Variants in FBXL17 observed in about 807,000 individuals in gnomAD.
FBXL17 encodes the protein F-box/LRR-repeat protein 17.
Under a neutral mutation model 66.2 loss-of-function variants are expected in FBXL17, and 22 were observed. That is an observed-to-expected ratio of 0.33 (90% CI 0.24 to 0.47). The LOEUF is 0.47. FBXL17 is among the 20% of genes least tolerant of loss of function. The probability of loss-of-function intolerance (pLI) is 1.00; values close to 1 mark genes in which losing one functional copy is unlikely to be tolerated. For synonymous variants in FBXL17, 474 were observed against 400.5 expected (o/e 1.18, Z -2.19); for missense variants, 878 against 948.2 (o/e 0.93, Z 0.97).
At chr5:108,179,088 C>T (rs1473644753) in intron 6 of FBXL17, among the ~76,000 whole-genome samples, 1 of 152,112 alleles carries the variant, frequency 6.6e-6, no homozygotes, top group Non-Finnish European at 1.5e-5. Flanking sequence ...TCTATCCAGA[C>T]CTTGAACACT....
At chr5:108,281,850 T>C (rs555132086) in intron 4 of FBXL17, among the ~76,000 whole-genome samples, 56 of 151,710 alleles carry the variant, frequency 3.7e-4, no homozygotes, top group African/African-American at 1.3e-3. Context: ...TTACAACTTA[T>C]AACCATAGAA....
rs543190447 is a variant in FBXL17 at position 108,175,236 on chromosome 5, G to A, written c.1745+10881C>T. 5.3e-5 allele frequency among the ~76,000 whole-genome samples: 8 copies of A among 152,212 alleles called. No individual in the cohort carries two copies. The South Asian group carries it at 8.3e-4, about 16-fold the overall frequency. ...TGATTGGAAGCAGGGGTGGAGGGGGGCTGTGAAGTGAGGGCACAGGGCGCA... is the reference window on the plus strand; with the variant it reads ...TGATTGGAAGCAGGGGTGGAGGGGGACTGTGAAGTGAGGGCACAGGGCGCA... On this transcript the variant is annotated intron_variant, in intron 6 of 8. Transcript: ENST00000542267.
chr5:107,869,481 G>A (rs7708343), intron 8 of FBXL17, among the ~76,000 whole-genome samples: 19,133 of 152,070 alleles, frequency 0.13, 1,451 homozygotes, highest in East Asian at 0.34. Context: ...TGTAAATGAG[G>A]TGAGTCATCT....
intron 6 of FBXL17, among the ~76,000 whole-genome samples, chr5:108,045,327 G>A (rs288148): frequency 0.77 from 117,679 of 151,848 alleles, 45,986 homozygotes; most frequent in East Asian, 0.93. Context: ...CTGTAATCCC[G>A]GCTACTTGGG....
At chr5:108,294,395 G>C (rs1035593293) in intron 4 of FBXL17, among the ~76,000 whole-genome samples, 1 of 151,152 alleles carries the variant, frequency 6.6e-6, no homozygotes, top group Non-Finnish European at 1.5e-5. Context: ...TATACTTTTT[G>C]TAATTCCTAA....
chr5:108,319,745 CAATT>C (rs1341267193), intron 4 of FBXL17, among the ~76,000 whole-genome samples: 3 of 151,438 alleles, frequency 2.0e-5, no homozygotes, highest in African/African-American at 7.3e-5. Context: ...TTCAATTTAA[CAATT>C]TATTTTTAAC....
At chr5:108,051,566 A>G (rs907821044) in intron 6 of FBXL17, among the ~76,000 whole-genome samples, 1 of 152,224 alleles carries the variant, frequency 6.6e-6, no homozygotes, top group Admixed American at 6.5e-5. Context: ...AACTCTCAAT[A>G]AACTAGATAT....
intron 6 of FBXL17, among the ~76,000 whole-genome samples, chr5:108,164,497 G>A (rs1003829054): frequency 1.3e-5 from 2 of 152,006 alleles, no homozygotes; most frequent in African/African-American, 4.8e-5. Context: ...CCAGTATATG[G>A]CAGGTATTTT....
chr5:107,954,879 T>C (rs1163130777), intron 7 of FBXL17, among the ~76,000 whole-genome samples: 2 of 152,130 alleles, frequency 1.3e-5, no homozygotes, highest in East Asian at 1.9e-4. Context: ...TTAAGAACTA[T>C]AGGTTGCAAA....
intron 4 of FBXL17, among the ~76,000 whole-genome samples, chr5:108,348,065 G>T (rs1474169387): frequency 6.6e-6 from 1 of 152,108 alleles, no homozygotes; most frequent in Non-Finnish European, 1.5e-5. Context: ...AATCCCTAGA[G>T]ATATCAGAAA....
At chr5:107,909,852 C>A (rs992170164) in intron 7 of FBXL17, among the ~76,000 whole-genome samples, 65 of 152,102 alleles carry the variant, frequency 4.3e-4, no homozygotes, top group African/African-American at 1.5e-3. Context: ...TCCTCTACTT[C>A]CAAGGAGGTT....
chr5:108,217,112 G>T (rs1172636700), intron 5 of FBXL17, among the ~76,000 whole-genome samples: 2 of 151,904 alleles, frequency 1.3e-5, no homozygotes, highest in South Asian at 2.1e-4. Flanking sequence ...TCACACATTC[G>T]CCAAGACAGC....
chr5:108,278,860 T>C (rs934600206), intron 4 of FBXL17, among the ~76,000 whole-genome samples: 3 of 152,188 alleles, frequency 2.0e-5, no homozygotes, highest in African/African-American at 7.2e-5. Context: ...GAGTGCAAGC[T>C]TGACCAGTCC....
intron 6 of FBXL17, among the ~76,000 whole-genome samples, chr5:108,073,965 T>C (rs1748443173): frequency 6.6e-6 from 1 of 152,196 alleles, no homozygotes; most frequent in South Asian, 2.1e-4. Flanking sequence ...GGTATTCCTA[T>C]ATAGCAATGC....
chr5:107,928,576 C>T (rs1750616765), intron 7 of FBXL17, among the ~76,000 whole-genome samples: 1 of 151,876 alleles, frequency 6.6e-6, no homozygotes, highest in African/African-American at 2.4e-5. Context: ...ATCTTATATG[C>T]TCAGATTTGA....
chr5:108,084,822 T>C (rs919680895), intron 6 of FBXL17, among the ~76,000 whole-genome samples: 1 of 152,200 alleles, frequency 6.6e-6, no homozygotes, highest in Non-Finnish European at 1.5e-5. Flanking sequence ...AAAATGAAAT[T>C]TTTATAGGGT....
chr5:108,092,316 GT>G (rs1561405641), intron 6 of FBXL17, among the ~76,000 whole-genome samples: 1 of 151,878 alleles, frequency 6.6e-6, no homozygotes, highest in Non-Finnish European at 1.5e-5. Flanking sequence ...CTCTTTATTA[GT>G]TTTTTTTAGG....
intron 7 of FBXL17, among the ~76,000 whole-genome samples, chr5:108,008,940 A>C (rs1640567332): frequency 6.6e-6 from 1 of 151,926 alleles, no homozygotes; most frequent in Non-Finnish European, 1.5e-5. Flanking sequence ...CTTCAAAGCA[A>C]ACTGCTTTCT....
chr5:108,188,776 T>C (rs979573252), intron 5 of FBXL17, among the ~76,000 whole-genome samples: 1 of 152,214 alleles, frequency 6.6e-6, no homozygotes, highest in Non-Finnish European at 1.5e-5. Flanking sequence ...GGTGAGCTGT[T>C]TGGGCTCTAA....
Sources: gnomAD v4.1 joint callset for allele counts (sites outside exome capture counted in the v4.1 genomes callset) on GRCh38, gnomAD v4.1.1 for gene constraint, MANE v1.5 for transcripts, NCBI Gene and HGNC (gene_info 2026-07-23, HGNC 2026-07-21) for gene names.